Variants in PDE7A observed in about 807,000 individuals in gnomAD.
PDE7A encodes high affinity 3',5'-cyclic-AMP phosphodiesterase 7A.
Under a neutral mutation model 64.3 loss-of-function variants are expected in PDE7A, and 39 were observed. The ratio of observed to expected loss-of-function variants is 0.61; its 90% CI spans 0.47 to 0.79. The LOEUF (loss-of-function observed/expected upper bound fraction) is 0.79. Ranked by LOEUF, PDE7A falls within the 30% of genes least tolerant of loss-of-function variation. The pLI, the probability that PDE7A is intolerant of heterozygous loss-of-function variation, is 0.00. For missense variants in PDE7A, 470 were observed against 582.8 expected (o/e 0.81, Z 1.99); for synonymous variants, 203 against 206.8 (o/e 0.98, Z 0.16).
chr8:65,813,560 C>T (rs1810306133), intron 1 of PDE7A, among the ~76,000 whole-genome samples: 1 of 151,926 alleles, frequency 6.6e-6, no homozygotes, highest in Non-Finnish European at 1.5e-5. Flanking sequence ...AAAAATAAGA[C>T]AAAAATATAA....
chr8:65,833,780 A>C (rs950671057), intron 1 of PDE7A, among the ~76,000 whole-genome samples: 1 of 152,254 alleles, frequency 6.6e-6, no homozygotes, highest in South Asian at 2.1e-4. Context: ...CATGGGCAAC[A>C]TGGCAAAACC....
chr8:65,840,056 C>T (rs1180581248), intron 1 of PDE7A, among the ~76,000 whole-genome samples: 1 of 152,180 alleles, frequency 6.6e-6, no homozygotes, highest in Admixed American at 6.5e-5. Flanking sequence ...AAACCTTCTT[C>T]AGCAGTGCAT....
chr8:65,834,367 T>C (rs1285115311), intron 1 of PDE7A, among the ~76,000 whole-genome samples: 1 of 152,210 alleles, frequency 6.6e-6, no homozygotes, highest in Non-Finnish European at 1.5e-5. Flanking sequence ...GCTAATCAAC[T>C]GTTTATGTTA....
chr8:65,760,229 C>A (rs773525038), intron 3 of PDE7A, among the ~76,000 whole-genome samples: 1 of 152,114 alleles, frequency 6.6e-6, no homozygotes, highest in Non-Finnish European at 1.5e-5. Flanking sequence ...AAGAGTGAGA[C>A]TCCTCAAAAC....
chr8:65,812,040 CTACAAAAAA>C (rs201358299), intron 1 of PDE7A, among the ~76,000 whole-genome samples: 8,650 of 151,812 alleles, frequency 0.057, 354 homozygotes, highest in Middle Eastern at 0.11. Flanking sequence ...AACCCCATCT[CTACAAAAAA>C]TACAAAAAAT....
intron 10 of PDE7A, 102 bp downstream of exon 10, chr8:65,724,675 A>C (rs1806535792): frequency 1.9e-6 from 2 of 1,034,268 alleles, no homozygotes; most frequent in Non-Finnish European, 2.8e-6. Flanking sequence ...GCTTGCCCTC[A>C]AGATTTAACC....
At chr8:65,771,746 G>T (rs1452314822) in intron 3 of PDE7A, among the ~76,000 whole-genome samples, 2 of 151,890 alleles carry the variant, frequency 1.3e-5, no homozygotes, top group South Asian at 4.1e-4. Flanking sequence ...GTGGTGGTGG[G>T]TGCCTGTAAT....
Position 65,725,407 on chromosome 8 carries a change from C to G in PDE7A, c.921-486G>C, listed in dbSNP as rs760928164. ...TCCTACAGACATTCTGACTAAGATG[C>G]CTGTTGCAATTCCCCTGAGCAACTT... is the stretch of plus-strand genomic sequence containing the variant. On this transcript the variant is annotated intron_variant, in intron 9 of 12. Transcript: ENST00000401827. 5.8e-5 allele frequency: 9 copies of G among 154,714 alleles called. No individual in the cohort carries two copies. In the Middle Eastern group the frequency reaches 1.6e-3, roughly 27 times the overall value. The allele number at this position is 154,714 out of a possible 1,614,324, so 9.6% of individuals were successfully genotyped here.
chr8:65,728,979 A>T (rs1368071865), intron 7 of PDE7A, among the ~76,000 whole-genome samples: 1 of 152,162 alleles, frequency 6.6e-6, no homozygotes, highest in Non-Finnish European at 1.5e-5. Context: ...AATATTTGAT[A>T]TAAAAATGTA....
chr8:65,752,908 C>T (rs897802921), intron 3 of PDE7A, among the ~76,000 whole-genome samples: 6 of 152,056 alleles, frequency 3.9e-5, no homozygotes, highest in African/African-American at 7.2e-5. Flanking sequence ...TCTATCTTGT[C>T]GCCTTCCAAA....
chr8:65,810,931 T>C (rs973271762), intron 1 of PDE7A, among the ~76,000 whole-genome samples: 1 of 152,182 alleles, frequency 6.6e-6, no homozygotes, highest in Non-Finnish European at 1.5e-5. Context: ...TCAAAAATTA[T>C]TATAGTTTGC....
At chr8:65,740,814 A>G (rs907576252) in intron 5 of PDE7A, among the ~76,000 whole-genome samples, 3 of 151,918 alleles carry the variant, frequency 2.0e-5, no homozygotes, top group African/African-American at 7.3e-5. Flanking sequence ...TCTTTTCTAT[A>G]TTGTCTCAAC....
chr8:65,788,836 TA>T, intron 1 of PDE7A: 1 of 1,302,510 alleles, frequency 7.7e-7, no homozygotes, highest in Non-Finnish European at 1.1e-6. Context: ...ATCAAATATG[TA>T]AACTAATGAT....
intron 3 of PDE7A, among the ~76,000 whole-genome samples, chr8:65,776,566 T>C (rs1809265746): frequency 6.6e-6 from 1 of 152,196 alleles, no homozygotes; most frequent in Admixed American, 6.5e-5. Context: ...ATTTAAGTTA[T>C]CTTTAATTTT....
chr8:65,737,372 A>G (rs544744236), intron 6 of PDE7A, among the ~76,000 whole-genome samples: 2 of 152,290 alleles, frequency 1.3e-5, no homozygotes, highest in South Asian at 2.1e-4. Flanking sequence ...AATTGCCAGT[A>G]TAGCTACTGG....
At chr8:65,751,255 T>C (rs1397716160) in intron 3 of PDE7A, among the ~76,000 whole-genome samples, 2 of 152,228 alleles carry the variant, frequency 1.3e-5, no homozygotes, top group Non-Finnish European at 2.9e-5. Flanking sequence ...TAAGATTTAA[T>C]AGAGGACCAG....
At chr8:65,830,360 T>A (rs1160194910) in intron 1 of PDE7A, among the ~76,000 whole-genome samples, 5 of 152,048 alleles carry the variant, frequency 3.3e-5, no homozygotes, top group Non-Finnish European at 7.4e-5. Context: ...TAAGAATAAT[T>A]TTGATTATGG....
chr8:65,803,924 T>C (rs557145033), intron 1 of PDE7A, among the ~76,000 whole-genome samples: 17 of 152,218 alleles, frequency 1.1e-4, no homozygotes, highest in African/African-American at 4.1e-4. Flanking sequence ...TGTGTGTATA[T>C]GCATCTCTCC....
At chr8:65,791,579 C>T (rs1809703706) in intron 1 of PDE7A, among the ~76,000 whole-genome samples, 3 of 152,164 alleles carry the variant, frequency 2.0e-5, no homozygotes, top group Admixed American at 2.0e-4. Flanking sequence ...AGGCTCTTGG[C>T]TTTCATTTCT....
Sources: gnomAD v4.1 joint callset for allele counts (sites outside exome capture counted in the v4.1 genomes callset) on GRCh38, gnomAD v4.1.1 for gene constraint, MANE v1.5 for transcripts, NCBI Gene and HGNC (gene_info 2026-07-23, HGNC 2026-07-21) for gene names.